IBA57: variants seen among roughly 807,000 people sequenced by gnomAD.
IBA57 encodes iron-sulfur cluster assembly factor IBA57, mitochondrial.
A neutral mutation model predicts 20.4 loss-of-function variants in IBA57; 20 were observed. The observed-to-expected ratio is 0.98, with a 90% CI of 0.69 to 1.42. The LOEUF (loss-of-function observed/expected upper bound fraction) is 1.42, where lower values mean the gene tolerates loss of function less well. IBA57 is among the 40% of genes most tolerant of loss of function. The pLI, the probability that IBA57 is intolerant of heterozygous loss-of-function variation, is 0.00. For synonymous variants in IBA57, 310 were observed against 233.9 expected (o/e 1.33, Z -2.97); for missense variants, 608 against 499.3 (o/e 1.22, Z -2.07).
intron 1 of IBA57, 57 bp downstream of exon 1, chr1:228,166,214 C>A: frequency 7.6e-7 from 1 of 1,316,236 alleles, no homozygotes; most frequent in Non-Finnish European, 9.8e-7. Flanking sequence ...TGGCCAGGGA[C>A]CGGCACCCAG....
rs771026930 is a variant in IBA57 at position 228,175,260 on chromosome 1, G to A, written c.818G>A (p.Gly273Asp). 1.2e-6 allele frequency: 2 copies of A among 1,612,714 alleles called. No individual in the cohort carries two copies. Among genetic ancestry groups the A allele is most frequent in the South Asian group, 2.2e-5 (2 of 91,090 alleles). The stretch of plus-strand genomic sequence containing the variant: ...CTGACGGCCCGCACCCACCACATGG[G>A]CGTCATCCGCAAGCGCCTCTTCCCT... Reference protein sequence around the residue: ...QELTARTHHMGVIRKRLFPVR... With the variant: ...QELTARTHHMDVIRKRLFPVR... Residue 273 changes from glycine (G) to aspartate (D), a missense_variant, in exon 3 of 3, where the codon GGC (glycine) becomes GAC (aspartate). By Grantham distance (94) the Gly-to-Asp change is moderately conservative. Coordinates refer to ENST00000366711, the MANE Select transcript of IBA57 (RefSeq NM_001010867.4).
chr1:228,172,019 C>T (rs747941465), intron 1 of IBA57: 3 of 152,086 alleles, frequency 2.0e-5, no homozygotes, highest in Non-Finnish European at 2.9e-5. Context: ...GGACTGCCTG[C>T]TGCCTTTCCT....
Position 228,180,870 on chromosome 1 carries a change from G to T in IBA57, c.*5357G>T, listed in dbSNP as rs931455205. The T allele has an allele frequency of 1.3e-5, 2 of 151,068 alleles. No homozygotes were observed. The highest frequency in any genetic ancestry group is 2.9e-5 in the Non-Finnish European group (2 of 67,860). 9.4% of individuals were successfully genotyped at this position (151,068 alleles called of 1,614,324 possible). ...ATGGGGTTCTCACTGCATTGCCCAG[G>T]CTGGTCTTGAATTTCTGGGCTCAGG... is the stretch of plus-strand genomic sequence containing the variant. On this transcript the variant is annotated 3_prime_UTR_variant, in exon 3 of 3. Coordinates refer to ENST00000366711, the MANE Select transcript of IBA57 (RefSeq NM_001010867.4).
At position 228,174,924 on chromosome 1, in the gene IBA57, G is replaced by A. The variant is rs140163897; in HGVS notation, c.574G>A (p.Ala192Thr). 1,048 of 1,593,642 alleles carry A rather than the reference G, an allele frequency of 6.6e-4. 1 individual carries two copies. Among genetic ancestry groups the A allele is most frequent in the Non-Finnish European group, 8.5e-4 (998 of 1,168,090 alleles). Residue 192 changes from alanine to threonine, a missense_variant, in exon 2 of 3, where the codon GCA (alanine) becomes ACA (threonine). Transcript: ENST00000366711. Reference protein sequence around the residue: ...AAILIRDPRTARMGWRLLTQD... With the variant: ...AAILIRDPRTTRMGWRLLTQD... ...CATCCTCATCCGCGACCCGCGAACA[G>A]CACGCATGGGGTGGCGGCTCCTCAC...
rs1257232141 is a variant in IBA57, at chr1:228,179,061, GA to G, written c.*3549del. 2 of 152,138 alleles carry G rather than the reference GA, an allele frequency of 1.3e-5. No homozygotes were observed. The highest frequency in any genetic ancestry group is 2.4e-5 in the African/African-American group (1 of 41,430). 9.4% of individuals were successfully genotyped at this position (152,138 alleles called of 1,614,324 possible). A position where few individuals can be genotyped will look rare whatever the true frequency, so the allele number is the denominator to read the frequency against. ...TATCTGTAAGGACTGGCTGGCCTGG[GA>G]GGGGCAGTCTCCCAGCCAGAAGGTG... is the stretch of plus-strand genomic sequence containing the variant. On this transcript the variant is annotated 3_prime_UTR_variant, in exon 3 of 3. Transcript: ENST00000366711.
Position 228,174,911 on chromosome 1 carries a change from C to G in IBA57, c.561C>G (p.Arg187=), listed in dbSNP as rs1046633349. The G allele has an allele frequency of 6.2e-7, 1 of 1,601,128 alleles. No individual in the cohort carries two copies. The highest frequency in any genetic ancestry group is 1.7e-5 in the Admixed American group (1 of 59,438). The change falls in exon 2 of 3, where the codon CGC becomes CGG. Residue 187 remains arginine, a synonymous_variant. Transcript: ENST00000366711. ...ERAGAAAILI[R]DPRTARMGWR... is the part of the protein sequence containing the mutation. ...CAGGGGCTGCCGCCATCCTCATCCG[C>G]GACCCGCGAACAGCACGCATGGGGT...
intron 1 of IBA57, among the ~76,000 whole-genome samples, chr1:228,174,035 G>T (rs2034963786): frequency 6.6e-6 from 1 of 152,226 alleles, no homozygotes; most frequent in Non-Finnish European, 1.5e-5. Context: ...ATTGCTGTGG[G>T]CGCGGCACTC....
chr1:228,165,909 G>A lies in IBA57; in HGVS notation c.93G>A (p.Leu31=). ...TGCGCGCGGCCCCAAGGTGCCGCCT[G>A]GCCCACAGCTCCTGCAGTCCTGGTG... The part of the protein sequence containing the change: ...WRLRAAPRCR[L]AHSSCSPGGD... Residue 31 remains leucine (L), a synonymous_variant, in exon 1 of 3, where the codon CTG becomes CTA. Coordinates refer to ENST00000366711, the MANE Select transcript of IBA57 (RefSeq NM_001010867.4). The A allele has an allele frequency of 6.9e-7, 1 of 1,449,404 alleles. No homozygotes were observed. The highest frequency in any genetic ancestry group is 3.0e-5 in the East Asian group (1 of 33,756). 89.8% of individuals were successfully genotyped at this position (1,449,404 alleles called of 1,614,324 possible).
intron 1 of IBA57, 76 bp downstream of exon 1, chr1:228,166,233 C>T: frequency 2.1e-5 from 10 of 468,726 alleles, no homozygotes; most frequent in Non-Finnish European, 2.7e-5. Flanking sequence ...AGGGACAGGG[C>T]GGGCGCCCGG....
At chr1:228,167,355 CTTTT>C (rs56835417) in intron 1 of IBA57, among the ~76,000 whole-genome samples, 15 of 123,612 alleles carry the variant, frequency 1.2e-4, no homozygotes, top group Non-Finnish European at 1.0e-4. Flanking sequence ...TCTGGGGCTT[CTTTT>C]TTTTTTTTTT....
chr1:228,174,179 G>GCGTGTGGTGACC (rs1558125714), intron 1 of IBA57, among the ~76,000 whole-genome samples: 103 of 109,390 alleles, frequency 9.4e-4, no homozygotes, highest in Middle Eastern at 4.5e-3. Flanking sequence ...GTGGCTCGCT[G>GCGTGTGGTGACC]TGGGCGTGGC....
At chr1:228,173,875 T>G (rs113022098) in intron 1 of IBA57, among the ~76,000 whole-genome samples, 1 of 152,218 alleles carries the variant, frequency 6.6e-6, no homozygotes, top group African/African-American at 2.4e-5. Context: ...AAACAGGGTC[T>G]GTCTGCGCTG....
rs2124979189 is a variant in IBA57 at position 228,177,932 on chromosome 1, T to G, written c.*2419T>G. On this transcript the variant is annotated 3_prime_UTR_variant, in exon 3 of 3. Transcript: ENST00000366711. Reference sequence around the variant, plus strand: ...AGGAACACTGGGATCTGCTGAGAGCTGGTGTAGCCGCTCCAAAACTGCACA... The same window carrying G: ...AGGAACACTGGGATCTGCTGAGAGCGGGTGTAGCCGCTCCAAAACTGCACA... 6.6e-6 allele frequency: 1 copy of G among 152,362 alleles called. No homozygotes were observed. Among genetic ancestry groups the G allele is most frequent in the African/African-American group, 2.4e-5 (1 of 41,576 alleles). The allele number at this position is 152,362 out of a possible 1,614,324, so 9.4% of individuals were successfully genotyped here.
Position 228,175,204 on chromosome 1 carries a change from C to T in IBA57, c.762C>T (p.Ser254=), listed in dbSNP as rs1456452654. The change falls in exon 3 of 3, where the codon AGC becomes AGT. Residue 254 remains serine (S), a synonymous_variant. Coordinates refer to ENST00000366711, the MANE Select transcript of IBA57 (RefSeq NM_001010867.4). ...ACCTGGCCTTCATGAACGGCGTGAG[C>T]TTCACCAAAGGCTGCTACATTGGCC... ...ESNLAFMNGV[S]FTKGCYIGQE... 2 of 1,612,814 alleles carry T rather than the reference C, an allele frequency of 1.2e-6. No homozygotes were observed. The highest frequency in any genetic ancestry group is 1.7e-6 in the Non-Finnish European group (2 of 1,179,994).
chr1:228,167,810 C>T (rs1192451273), intron 1 of IBA57, among the ~76,000 whole-genome samples: 1 of 152,196 alleles, frequency 6.6e-6, no homozygotes, highest in Non-Finnish European at 1.5e-5. Context: ...TCATCATAGT[C>T]TGTCTTATGT....
In IBA57 at chr1:228,165,962, C is replaced by A; in HGVS notation, c.146C>A (p.Ala49Asp). The A allele has an allele frequency of 6.6e-7, 1 of 1,514,556 alleles. No homozygotes were observed. Among genetic ancestry groups the A allele is most frequent in the East Asian group, 2.6e-5 (1 of 38,264 alleles). The allele number at this position is 1,514,556 out of a possible 1,614,324, so 93.8% of individuals were successfully genotyped here. A position where few individuals can be genotyped will look rare whatever the true frequency, so the allele number is the denominator to read the frequency against. ...GACCCAACGGCCGGAGCGGCCTGGGCCTGCTTCCGGCTGGACGGGCGCACC... is the reference window on the plus strand; with the variant it reads ...GACCCAACGGCCGGAGCGGCCTGGGACTGCTTCCGGCTGGACGGGCGCACC... ...GGDPTAGAAWACFRLDGRTLL... is the reference protein window; with the variant it reads ...GGDPTAGAAWDCFRLDGRTLL... Residue 49 changes from alanine to aspartate, a missense_variant, in exon 1 of 3, where the codon GCC (alanine) becomes GAC (aspartate). Transcript: ENST00000366711.
chr1:228,174,827 G>T lies in IBA57; in HGVS notation c.477G>T (p.Val159=). The change falls in exon 2 of 3, where the codon GTG becomes GTT. Residue 159 remains valine (V), a synonymous_variant. Coordinates refer to ENST00000366711, the MANE Select transcript of IBA57 (RefSeq NM_001010867.4). ...VTVEPHPELR[V]WAVLPSSPEA... ...TGGAGCCGCACCCGGAGCTGCGAGT[G>T]TGGGCGGTGTTGCCCAGTTCCCCTG... 4 of 1,610,536 alleles carry T rather than the reference G, an allele frequency of 2.5e-6. No individual in the cohort carries two copies. Among genetic ancestry groups the T allele is most frequent in the Non-Finnish European group, 3.4e-6 (4 of 1,179,240 alleles).
Position 228,177,470 on chromosome 1 carries a change from GTTC to G in IBA57, c.*1962_*1964del, listed in dbSNP as rs1410511544. 1 of 143,250 alleles carries G rather than the reference GTTC, an allele frequency of 7.0e-6. No homozygotes were observed. The highest frequency in any genetic ancestry group is 1.5e-5 in the Non-Finnish European group (1 of 66,438). 8.9% of individuals were successfully genotyped at this position (143,250 alleles called of 1,614,324 possible). ...TTGGTTCAGATCAAACACATTTCGT[GTTC>G]TTCTGTGTCCTTTTTTTTTTTTTTT... On this transcript the variant is annotated 3_prime_UTR_variant, in exon 3 of 3. Coordinates refer to ENST00000366711, the MANE Select transcript of IBA57 (RefSeq NM_001010867.4).
intron 1 of IBA57, among the ~76,000 whole-genome samples, chr1:228,166,631 C>T (rs1374336563): frequency 1.3e-5 from 2 of 152,216 alleles, no homozygotes; most frequent in African/African-American, 2.4e-5. Flanking sequence ...GGTGACACTC[C>T]CGAGTTCTGT....
Sources: gnomAD v4.1 joint callset for allele counts (sites outside exome capture counted in the v4.1 genomes callset) on GRCh38, gnomAD v4.1.1 for gene constraint, MANE v1.5 for transcripts, NCBI Gene and HGNC (gene_info 2026-07-23, HGNC 2026-07-21) for gene names.